Variants in RNF213 observed in about 807,000 individuals in gnomAD.
RNF213 encodes the protein ring finger protein 213, also known as E3 ubiquitin-protein ligase RNF213.
RNF213 carries 341 observed loss-of-function variants against 514.4 expected under a neutral mutation model. The observed-to-expected ratio is 0.66, with a 90% CI of 0.61 to 0.73. RNF213 has a LOEUF of 0.73. Among genes scored for constraint, RNF213 ranks in the 30% least tolerant of loss-of-function variants. RNF213 has a pLI of 0.00. For synonymous variants in RNF213, 2,655 were observed against 2,658.2 expected, an observed-to-expected ratio of 1.00 and a Z score of 0.04; for missense variants, 5,767 against 6,615.6, an observed-to-expected ratio of 0.87 and a Z score of 4.45.
rs571958147 is a variant in RNF213, at chr17:80,383,218, C to T, written c.14070+148C>T. The stretch of plus-strand genomic sequence containing the variant: ...CCCCAGATTCCAATGCTCCCCACCT[C>T]GAGTCACTCCATCCTCCTCCTGTCC... On this transcript the variant is annotated intron_variant, in intron 58 of 67. Coordinates refer to ENST00000582970, the MANE Select transcript of RNF213 (RefSeq NM_001256071.3). 6.7e-5 allele frequency: 46 copies of T among 687,300 alleles called. No homozygotes were observed. In the Admixed American group the frequency reaches 7.2e-4, roughly 11 times the overall value. 42.6% of individuals were successfully genotyped at this position (687,300 alleles called of 1,614,324 possible).
At chr17:80,363,565 G>A (rs1479600879) in intron 40 of RNF213, 44 bp from the exon 41 acceptor site, 1 of 1,606,748 alleles carries the variant, frequency 6.2e-7, no homozygotes, top group Admixed American at 1.7e-5. Context: ...GTGGGCCGGT[G>A]GGAGGGGCAC....
intron 2 of RNF213, among the ~76,000 whole-genome samples, chr17:80,269,922 T>G (rs1180985499): frequency 6.6e-6 from 1 of 152,262 alleles, no homozygotes; most frequent in Non-Finnish European, 1.5e-5. Context: ...CTCTTATTTC[T>G]GAATCCAGCT....
chr17:80,369,137 G>A (rs2079403830), intron 44 of RNF213, among the ~76,000 whole-genome samples: 1 of 152,140 alleles, frequency 6.6e-6, no homozygotes, highest in Non-Finnish European at 1.5e-5. Context: ...GGTGGCTCAC[G>A]CCTGTAATCC....
rs181965032 is a variant in RNF213 at position 80,345,585 on chromosome 17, T to G, written c.7250T>G (p.Ile2417Ser). 1.2e-4 allele frequency: 189 copies of G among 1,613,806 alleles called. 1 individual carries two copies. In the East Asian group the frequency reaches 4.0e-3, roughly 34 times the overall value. Reference protein sequence around the residue: ...EMRFRCGIPVIIMGETGCGKT... With the variant: ...EMRFRCGIPVSIMGETGCGKT... ...CGGTTCCGGTGTGGGATCCCGGTTA[T>G]CATCATGGGAGAAACTGGCTGTGGG... The change falls in exon 29 of 68, where the codon ATC (isoleucine) becomes AGC (serine). Residue 2417 changes from isoleucine to serine, a missense_variant. By Grantham distance (142) the Ile-to-Ser change is moderately radical. Around this residue, in one of 13 missense-constraint regions of RNF213, gnomAD observed 1,377 missense variants for 1,635.2 expected, o/e 0.84. Transcript: ENST00000582970. This position sits in a 1 kb window ranked among gnomAD's most constrained non-coding sequence, Gnocchi z 6.0.
intron 11 of RNF213, among the ~76,000 whole-genome samples, chr17:80,302,130 A>C (rs2045201235): frequency 6.6e-6 from 1 of 152,198 alleles, no homozygotes; most frequent in African/African-American, 2.4e-5. Context: ...GAGGCGAGGA[A>C]GGATGGGGAG....
In RNF213 at chr17:80,288,173, C is replaced by T; in HGVS notation, c.620C>T (p.Ala207Val). 1 of 1,612,056 alleles carries T rather than the reference C, an allele frequency of 6.2e-7. No individual in the cohort carries two copies. The highest frequency in any genetic ancestry group is 1.1e-5 in the South Asian group (1 of 91,060). ...CACACGGAAGGGGAGGACCAGGACG[C>T]TTCCATCCCCTCTGGGGGCAGAGGC... ...QDHTEGEDQD[A>V]SIPSGGRGLS... Residue 207 changes from alanine to valine, a missense_variant, in exon 4 of 68, where the codon GCT becomes GTT. Physicochemically the swap from Ala to Val is moderately conservative, Grantham distance 64. Transcript: ENST00000582970. This position sits in a 1 kb window ranked among gnomAD's most constrained non-coding sequence, Gnocchi z 4.9.
intron 56 of RNF213, 183 bp downstream of exon 56, chr17:80,381,170 GA>G: frequency 1.4e-6 from 1 of 695,566 alleles, no homozygotes; most frequent in Non-Finnish European, 2.5e-6. Flanking sequence ...GGTATGGGGG[GA>G]ACTACTCCCC....
intron 23 of RNF213, 35 bp from the exon 24 acceptor site, chr17:80,337,551 A>C: frequency 2.0e-6 from 3 of 1,534,258 alleles, no homozygotes; most frequent in East Asian, 2.4e-5. Flanking sequence ...CCTCGCTCCA[A>C]CCGTGGCCCG....
chr17:80,392,400 G>A (rs780420964), intron 67 of RNF213, among the ~76,000 whole-genome samples: 12 of 152,156 alleles, frequency 7.9e-5, no homozygotes, highest in Non-Finnish European at 1.5e-4. Flanking sequence ...CCTTGTTTAT[G>A]CAACCCTGTA....
intron 59 of RNF213, 46 bp from the exon 60 acceptor site, chr17:80,384,993 T>C (rs2080176340): frequency 6.2e-7 from 1 of 1,609,956 alleles, no homozygotes; most frequent in Non-Finnish European, 8.5e-7. Flanking sequence ...CAATAACATT[T>C]TTTAGGTAAA....
intron 3 of RNF213, among the ~76,000 whole-genome samples, chr17:80,277,359 A>G (rs2145187257): frequency 6.6e-6 from 1 of 152,138 alleles, no homozygotes; most frequent in Middle Eastern, 3.4e-3. Context: ...GCACATTGGG[A>G]GGCTGAGGCG....
Position 80,389,271 on chromosome 17 carries a change from G to T in RNF213, c.15099G>T (p.Gly5033=). 2 of 1,614,186 alleles carry T rather than the reference G, an allele frequency of 1.2e-6. No individual in the cohort carries two copies. Among genetic ancestry groups the T allele is most frequent in the Non-Finnish European group, 1.7e-6 (2 of 1,180,006 alleles). The change falls in exon 65 of 68, where the codon GGG becomes GGT. Residue 5033 remains glycine, a synonymous_variant. Transcript: ENST00000582970. ...TGTCTGTCGTAGAAGTCACTCTGGG[G>T]TTTCTGAGCACAGCTGGTGGGGATC... ...EVLSVVEVTL[G]FLSTAGGDPN...
rs766949969 is a variant in RNF213, at chr17:80,360,060, G to A, written c.11055-1G>A. 6.2e-7 allele frequency: 1 copy of A among 1,613,948 alleles called. No individual in the cohort carries two copies. The highest frequency in any genetic ancestry group is 1.1e-5 in the South Asian group (1 of 91,072). On this transcript the variant is annotated splice_acceptor_variant, in intron 37 of 67. Transcript: ENST00000582970. LOFTEE classifies it high-confidence loss of function. ...TCTTATCATCCCTCACCTTATTGCA[G>A]ACATAAAGGTGAGATGGCCTACATC...
chr17:80,385,500 G>A, intron 60 of RNF213, 38 bp from the exon 61 acceptor site: 1 of 1,585,950 alleles, frequency 6.3e-7, no homozygotes, highest in Non-Finnish European at 8.7e-7. Flanking sequence ...TCAGGGGGTT[G>A]CTATCATACG....
At position 80,375,868 on chromosome 17, in the gene RNF213, G is replaced by A. The variant is rs1568155601; in HGVS notation, c.13183G>A (p.Glu4395Lys). The A allele has an allele frequency of 1.2e-6, 2 of 1,601,750 alleles. No individual in the cohort carries two copies. The highest frequency in any genetic ancestry group is 1.7e-4 in the Middle Eastern group (1 of 6,036). The change falls in exon 51 of 68, where the codon GAG becomes AAG. Residue 4395 changes from glutamate (E) to lysine (K), a missense_variant and splice_region_variant. By Grantham distance (56) the Glu-to-Lys change is moderately conservative. This residue lies in a region of RNF213 where 1,245 missense variants were observed against 1,339.0 expected (regional missense o/e 0.93). Coordinates refer to ENST00000582970, the MANE Select transcript of RNF213 (RefSeq NM_001256071.3). ...SHNASLHPTP[E>K]QCEAVSKFIG... Reference sequence around the variant, plus strand: ...CAATGCAAGCCTCCACCCCACGCCAGAGGTGAGTAACCGCCTGCAGGGCTG... The same window carrying A: ...CAATGCAAGCCTCCACCCCACGCCAAAGGTGAGTAACCGCCTGCAGGGCTG...
chr17:80,275,342 G>A (rs572261923), intron 3 of RNF213, among the ~76,000 whole-genome samples: 14 of 152,114 alleles, frequency 9.2e-5, no homozygotes, highest in Admixed American at 3.9e-4. Flanking sequence ...CTCTGTCAGA[G>A]TGGGAAAGTG....
intron 58 of RNF213, 134 bp from the exon 59 acceptor site, chr17:80,383,542 TA>T: frequency 1.2e-6 from 1 of 854,416 alleles, no homozygotes; most frequent in Non-Finnish European, 1.9e-6. Context: ...TCAAAGGGAA[TA>T]CCTGATTACA....
chr17:80,317,294 G>T lies in RNF213; in HGVS notation c.2901+17G>T. On this transcript the variant is annotated intron_variant, in intron 16 of 67. Coordinates refer to ENST00000582970, the MANE Select transcript of RNF213 (RefSeq NM_001256071.3). This position sits in a 1 kb window ranked among gnomAD's most constrained non-coding sequence, Gnocchi z 4.1. ...CTCACAAAGGTACCAAAAGTTTGGGGGCAGTCTTTTCAGGGCGTGAAGGCA... is the reference window on the plus strand; with the variant it reads ...CTCACAAAGGTACCAAAAGTTTGGGTGCAGTCTTTTCAGGGCGTGAAGGCA... The T allele has an allele frequency of 6.2e-7, 1 of 1,609,712 alleles. No homozygotes were observed. The highest frequency in any genetic ancestry group is 8.5e-7 in the Non-Finnish European group (1 of 1,178,574).
chr17:80,331,897 G>T, intron 20 of RNF213, 109 bp from the exon 21 acceptor site: 1 of 1,279,904 alleles, frequency 7.8e-7, no homozygotes, highest in Non-Finnish European at 1.1e-6. Context: ...GCAGCTGTGT[G>T]CTCTTGAGTT....
Sources: allele counts gnomAD v4.1 joint callset (sites outside exome capture counted in the v4.1 genomes callset), GRCh38; gene constraint gnomAD v4.1.1; regional missense constraint gnomAD v4.1.1; non-coding constraint Gnocchi (gnomAD v3.1); transcripts MANE v1.5; gene names NCBI Gene and HGNC (gene_info 2026-07-23, HGNC 2026-07-21).